Variants in MROH9 observed in about 807,000 individuals in gnomAD.
The protein encoded by MROH9 is maestro heat like repeat family member 9, also known as maestro heat-like repeat-containing protein family member 9.
In MROH9, 92 loss-of-function variants were observed where a neutral mutation model predicts 98.2. The observed-to-expected ratio is 0.94, with a 90% CI of 0.79 to 1.11. The LOEUF is 1.11. Among genes scored for constraint, MROH9 ranks in the 50% most tolerant of loss-of-function variants. The pLI is 0.00. For synonymous variants in MROH9, 397 were observed against 368.9 expected, an observed-to-expected ratio of 1.08 and a Z score of -0.87; for missense variants, 1,057 against 1,014.8, an observed-to-expected ratio of 1.04 and a Z score of -0.57.
At chr1:171,008,770 T>C (rs1652048074) in intron 15 of MROH9, among the ~76,000 whole-genome samples, 1 of 152,082 alleles carries the variant, frequency 6.6e-6, no homozygotes, top group Admixed American at 6.6e-5. Context: ...GTATCTCTTT[T>C]AAAAAAAGAA....
intron 12 of MROH9, among the ~76,000 whole-genome samples, chr1:170,993,053 A>T (rs575540898): frequency 6.6e-6 from 1 of 152,334 alleles, no homozygotes; most frequent in African/African-American, 2.4e-5. Flanking sequence ...TGCCAATTAC[A>T]ATCCCTAAAG....
chr1:170,970,936 T>C (rs1003832905), intron 7 of MROH9, among the ~76,000 whole-genome samples: 2 of 152,158 alleles, frequency 1.3e-5, no homozygotes, highest in African/African-American at 4.8e-5. Context: ...TCACTTGTCT[T>C]GGAGGCAAGA....
chr1:170,949,810 T>C (rs1435331557), intron 3 of MROH9, among the ~76,000 whole-genome samples: 1 of 151,912 alleles, frequency 6.6e-6, no homozygotes, highest in African/African-American at 2.4e-5. Flanking sequence ...ATTTCATGGA[T>C]GGACCAAAAA....
chr1:171,004,367 C>T (rs1481986225), intron 15 of MROH9, among the ~76,000 whole-genome samples: 2 of 152,142 alleles, frequency 1.3e-5, no homozygotes, highest in Non-Finnish European at 2.9e-5. Context: ...TGATGGATCC[C>T]TGTGGTGCCA....
chr1:170,985,401 G>A (rs1651093728), intron 9 of MROH9, among the ~76,000 whole-genome samples: 1 of 152,146 alleles, frequency 6.6e-6, no homozygotes. Flanking sequence ...AGATAAAAAT[G>A]ACCTCTGAAG....
At chr1:171,035,324 A>G (rs1218409203) in intron 20 of MROH9, among the ~76,000 whole-genome samples, 3 of 151,862 alleles carry the variant, frequency 2.0e-5, no homozygotes, top group Non-Finnish European at 1.5e-5. Flanking sequence ...GAGAAAACAT[A>G]GAGACAAATA....
intron 1 of MROH9, among the ~76,000 whole-genome samples, chr1:170,939,965 G>A (rs1283834580): frequency 6.6e-6 from 1 of 152,196 alleles, no homozygotes; most frequent in African/African-American, 2.4e-5. Context: ...TGGATCTGCT[G>A]CATCCTATTG....
At chr1:171,039,490 G>T (rs1447513697) in intron 20 of MROH9, among the ~76,000 whole-genome samples, 1 of 152,040 alleles carries the variant, frequency 6.6e-6, no homozygotes. Flanking sequence ...CAGTTGGTTG[G>T]AAAGAAACAA....
chr1:170,998,141 TTC>T lies in MROH9; in HGVS notation c.1476-9_1476-8del, dbSNP rs1301663314. 1.4e-5 allele frequency: 22 copies of T among 1,584,784 alleles called. No homozygotes were observed. The highest frequency in any genetic ancestry group is 1.9e-5 in the Non-Finnish European group (22 of 1,168,392). On this transcript the variant is annotated splice_polypyrimidine_tract_variant and intron_variant, in intron 14 of 21. Transcript: ENST00000367759. ...TCTCCTTTGCTAATTCAGTGCCTTA[TTC>T]TCTTTTACAGAACTCTCAGTGAATA... is the stretch of plus-strand genomic sequence containing the variant.
chr1:170,959,763 C>A (rs1198252366), intron 5 of MROH9, among the ~76,000 whole-genome samples, 166 bp downstream of exon 5: 15 of 152,160 alleles, frequency 9.9e-5, no homozygotes, highest in Non-Finnish European at 7.3e-5. Flanking sequence ...GTGAGTTCTA[C>A]AACCCATGGG....
chr1:171,009,607 T>C (rs1652075537), intron 15 of MROH9, among the ~76,000 whole-genome samples: 1 of 152,206 alleles, frequency 6.6e-6, no homozygotes. Flanking sequence ...AATATCAACA[T>C]TGTAAGTATA....
At chr1:170,978,505 G>T (rs1650802582) in intron 8 of MROH9, among the ~76,000 whole-genome samples, 1 of 151,842 alleles carries the variant, frequency 6.6e-6, no homozygotes, top group South Asian at 2.1e-4. Context: ...GTATTTCCAG[G>T]GAATAAGGGC....
chr1:171,037,907 C>A (rs1653159478), intron 20 of MROH9, among the ~76,000 whole-genome samples: 1 of 151,912 alleles, frequency 6.6e-6, no homozygotes, highest in South Asian at 2.1e-4. Context: ...ATTTTACTCC[C>A]ATTTCATTTC....
At position 170,952,288 on chromosome 1, in the gene MROH9, G is replaced by A. The variant is rs543727664; in HGVS notation, c.72+4715G>A. ...GGATTATAAGTCATGCTGCTATAAA[G>A]ACACATGCACACATATGTTTATTGT... On this transcript the variant is annotated intron_variant, in intron 3 of 21. Transcript: ENST00000367759. Among the ~76,000 whole-genome samples, 389 of 152,198 alleles carry A rather than the reference G, an allele frequency of 2.6e-3. 5 individuals carry two copies. Among genetic ancestry groups the A allele is most frequent in the African/African-American group, 8.7e-3 (362 of 41,516 alleles).
At chr1:170,953,169 G>C (rs1649621364) in intron 3 of MROH9, among the ~76,000 whole-genome samples, 1 of 151,778 alleles carries the variant, frequency 6.6e-6, no homozygotes, top group South Asian at 2.1e-4. Context: ...CTACTTATTT[G>C]AATATTTAGT....
At chr1:171,011,770 T>C (rs1403376279) in intron 15 of MROH9, among the ~76,000 whole-genome samples, 1 of 152,200 alleles carries the variant, frequency 6.6e-6, no homozygotes, top group Non-Finnish European at 1.5e-5. Flanking sequence ...TAATCCACAC[T>C]TTTTTTCTCA....
chr1:171,018,004 G>T lies in MROH9; in HGVS notation c.1908+1668G>T, dbSNP rs1023801617. On this transcript the variant is annotated intron_variant, in intron 17 of 21. Transcript: ENST00000367759. ...GAAGCAAGGCAGACCAGACAAGTGGGCTTTCCCCCCAGCAAAGCACACCCC... is the reference window on the plus strand; with the variant it reads ...GAAGCAAGGCAGACCAGACAAGTGGTCTTTCCCCCCAGCAAAGCACACCCC... 2.6e-5 allele frequency among the ~76,000 whole-genome samples: 4 copies of T among 152,138 alleles called. No individual in the cohort carries two copies. In the East Asian group the frequency reaches 7.7e-4, roughly 29 times the overall value.
In MROH9 at chr1:170,992,279, A is replaced by G. The variant is rs776216190; in HGVS notation, c.1144A>G (p.Thr382Ala). The G allele has an allele frequency of 1.2e-6, 2 of 1,613,616 alleles. No individual in the cohort carries two copies. ...GKPGEMEDTVTEGKRFSLDIT... is the reference protein window; with the variant it reads ...GKPGEMEDTVAEGKRFSLDIT... Reference sequence around the variant, plus strand: ...GCCTGGGGAAATGGAGGACACCGTAACGGAAGGGAAACGTTTCTCTCTTGA... The same window carrying G: ...GCCTGGGGAAATGGAGGACACCGTAGCGGAAGGGAAACGTTTCTCTCTTGA... The change falls in exon 12 of 22, where the codon ACG (threonine) becomes GCG (alanine). Residue 382 changes from threonine to alanine, a missense_variant. By Grantham distance (58) the Thr-to-Ala change is moderately conservative. Transcript: ENST00000367759.
chr1:170,952,812 G>A (rs1571443356), intron 3 of MROH9, among the ~76,000 whole-genome samples: 1 of 151,728 alleles, frequency 6.6e-6, no homozygotes, highest in South Asian at 2.1e-4. Flanking sequence ...GCCTTTGACA[G>A]ATGGCAGAGG....
Sources: gnomAD v4.1 joint callset for allele counts (sites outside exome capture counted in the v4.1 genomes callset) on GRCh38, gnomAD v4.1.1 for gene constraint, MANE v1.5 for transcripts, NCBI Gene and HGNC (gene_info 2026-07-23, HGNC 2026-07-21) for gene names.